Variants in NPFFR2 observed in about 807,000 individuals in gnomAD.
NPFFR2 encodes neuropeptide FF receptor 2, also known as G-protein coupled receptor 74.
A neutral mutation model predicts 13.1 loss-of-function variants in NPFFR2; 15 were observed. That is an observed-to-expected ratio of 1.15 (90% CI 0.77 to 1.76). The LOEUF is 1.76. Ranked by LOEUF, NPFFR2 falls within the 40% of genes most tolerant of loss-of-function variation. The pLI is 0.00. For missense variants in NPFFR2, 572 were observed against 503.5 expected (o/e 1.14, Z -1.30); for synonymous variants, 190 against 175.7 (o/e 1.08, Z -0.65).
At chr4:72,088,481 G>A (rs1365229088) in intron 1 of NPFFR2, among the ~76,000 whole-genome samples, 2 of 152,062 alleles carry the variant, frequency 1.3e-5, no homozygotes, top group Non-Finnish European at 2.9e-5. Flanking sequence ...CATATGTAGA[G>A]AGACTATATG....
intron 3 of NPFFR2, among the ~76,000 whole-genome samples, chr4:72,141,659 T>C (rs921070415): frequency 6.6e-6 from 1 of 152,190 alleles, no homozygotes; most frequent in Non-Finnish European, 1.5e-5. Context: ...TTACATTTGC[T>C]GAGGAGTGCT....
At chr4:72,068,145 C>T (rs1278673523) in intron 1 of NPFFR2, among the ~76,000 whole-genome samples, 1 of 152,138 alleles carries the variant, frequency 6.6e-6, no homozygotes, top group Non-Finnish European at 1.5e-5. Context: ...CTCTCTTAGT[C>T]CATTTTTATG....
chr4:72,095,243 G>A (rs970543107), intron 1 of NPFFR2, among the ~76,000 whole-genome samples: 8 of 152,148 alleles, frequency 5.3e-5, no homozygotes, highest in African/African-American at 1.9e-4. Flanking sequence ...ATGTCTGCTG[G>A]TGTGCTGGAA....
chr4:72,114,820 A>C (rs1721664656), intron 1 of NPFFR2, among the ~76,000 whole-genome samples: 1 of 152,148 alleles, frequency 6.6e-6, no homozygotes, highest in African/African-American at 2.4e-5. Context: ...TTATTATAGC[A>C]CAAAGGTTAC....
intron 1 of NPFFR2, among the ~76,000 whole-genome samples, chr4:72,069,500 T>G (rs1022760766): frequency 1.3e-5 from 2 of 152,148 alleles, no homozygotes; most frequent in Non-Finnish European, 2.9e-5. Flanking sequence ...AGTGAACTTT[T>G]AAAGCCATTT....
At chr4:72,097,112 A>G (rs987148619) in intron 1 of NPFFR2, among the ~76,000 whole-genome samples, 1 of 152,038 alleles carries the variant, frequency 6.6e-6, no homozygotes, top group Non-Finnish European at 1.5e-5. Flanking sequence ...CAAAAGGGTT[A>G]CCTACTTACC....
rs1300408475 is a variant in NPFFR2, at chr4:72,128,633, T to TC, written c.45dup (p.Ile16HisfsTer6). 1.2e-6 allele frequency: 2 copies of TC among 1,612,026 alleles called. No homozygotes were observed. The highest frequency in any genetic ancestry group is 1.3e-5 in the African/African-American group (1 of 74,898). ...ACACAAACTCTTCAGAAAACTGGCA[T>TC]CCCATCTGGAATGTCAATGACACAA... On this transcript the variant is annotated frameshift_variant, in exon 2 of 4. Coordinates refer to ENST00000308744, the MANE Select transcript of NPFFR2 (RefSeq NM_004885.3). LOFTEE classifies it high-confidence loss of function.
chr4:72,116,936 C>A (rs1460756492), intron 1 of NPFFR2, among the ~76,000 whole-genome samples: 1 of 152,030 alleles, frequency 6.6e-6, no homozygotes, highest in Non-Finnish European at 1.5e-5. Flanking sequence ...AAAGTAAAAC[C>A]CCCTACCCCA....
At chr4:72,143,775 T>C (rs1722699900) in intron 3 of NPFFR2, among the ~76,000 whole-genome samples, 1 of 152,146 alleles carries the variant, frequency 6.6e-6, no homozygotes, top group African/African-American at 2.4e-5. Context: ...ATCCAAATTG[T>C]GCAAAGTCTT....
At chr4:72,132,265 C>T (rs1222894090) in intron 2 of NPFFR2, among the ~76,000 whole-genome samples, 1 of 152,106 alleles carries the variant, frequency 6.6e-6, no homozygotes, top group Non-Finnish European at 1.5e-5. Flanking sequence ...TTTCCTGTTC[C>T]TGCATTAGTT....
At chr4:72,094,224 C>T (rs1292299283) in intron 1 of NPFFR2, among the ~76,000 whole-genome samples, 14 of 152,174 alleles carry the variant, frequency 9.2e-5, no homozygotes, top group South Asian at 4.1e-4. Context: ...ACACCTCCTC[C>T]GGTGGAGGCG....
intron 1 of NPFFR2, among the ~76,000 whole-genome samples, chr4:72,104,293 T>C (rs1010306193): frequency 6.6e-6 from 1 of 152,100 alleles, no homozygotes; most frequent in African/African-American, 2.4e-5. Context: ...TATCATCCTG[T>C]TATTTTTGGC....
chr4:72,036,689 A>T (rs1259074574), intron 1 of NPFFR2, among the ~76,000 whole-genome samples: 1 of 151,260 alleles, frequency 6.6e-6, no homozygotes, highest in Non-Finnish European at 1.5e-5. Context: ...CCAATCCACA[A>T]TGCCATTTTG....
At chr4:72,146,889 G>A (rs1722796321) in intron 3 of NPFFR2, 89 bp from the exon 4 acceptor site, 1 of 830,764 alleles carries the variant, frequency 1.2e-6, no homozygotes, top group South Asian at 1.6e-5. Flanking sequence ...TGTAGGGTGA[G>A]AGGCCTGTAA....
At chr4:72,125,906 C>G (rs566129486) in intron 1 of NPFFR2, among the ~76,000 whole-genome samples, 5 of 152,178 alleles carry the variant, frequency 3.3e-5, no homozygotes, top group Non-Finnish European at 7.3e-5. Context: ...GACAGAGACA[C>G]TTGGGAAGCC....
At chr4:72,082,766 C>T (rs994353717) in intron 1 of NPFFR2, among the ~76,000 whole-genome samples, 3 of 152,078 alleles carry the variant, frequency 2.0e-5, no homozygotes, top group Non-Finnish European at 4.4e-5. Context: ...AATCTCCTAA[C>T]TAACTGAAAC....
At chr4:72,138,594 T>C (rs1304985980) in intron 3 of NPFFR2, among the ~76,000 whole-genome samples, 1 of 152,172 alleles carries the variant, frequency 6.6e-6, no homozygotes, top group African/African-American at 2.4e-5. Context: ...CATGAACTCA[T>C]CCTTTTTATG....
intron 1 of NPFFR2, among the ~76,000 whole-genome samples, chr4:72,120,233 G>T (rs1022422330): frequency 3.3e-5 from 5 of 152,188 alleles, no homozygotes; most frequent in African/African-American, 1.2e-4. Context: ...TCTGGGCAGG[G>T]CATCTCTGAA....
chr4:72,128,924 G>T lies in NPFFR2; in HGVS notation c.328+5G>T. The stretch of plus-strand genomic sequence containing the variant: ...TGCTGGACAATATTATAGCAGGTAT[G>T]TTGGCTTTTGTGCAGTTTGAAGATA... On this transcript the variant is annotated splice_donor_5th_base_variant and intron_variant, in intron 2 of 3. Transcript: ENST00000308744. 6.3e-7 allele frequency: 1 copy of T among 1,591,106 alleles called. No homozygotes were observed. Among genetic ancestry groups the T allele is most frequent in the Non-Finnish European group, 8.6e-7 (1 of 1,162,242 alleles).
Sources: gnomAD v4.1 joint callset for allele counts (sites outside exome capture counted in the v4.1 genomes callset) on GRCh38, gnomAD v4.1.1 for gene constraint, MANE v1.5 for transcripts, NCBI Gene and HGNC (gene_info 2026-07-23, HGNC 2026-07-21) for gene names.